The following AXIN2 variants were observed in gnomAD, a reference collection of about 807,000 sequenced individuals.
AXIN2 encodes the protein axin 2.
A neutral mutation model predicts 74.7 loss-of-function variants in AXIN2; 21 were observed. The observed-to-expected ratio is 0.28, with a 90% CI of 0.20 to 0.40. AXIN2 has a LOEUF of 0.40. AXIN2 is among the 10% of genes least tolerant of loss of function. The probability of loss-of-function intolerance (pLI) is 1.00; values close to 1 mark genes in which losing one functional copy is unlikely to be tolerated. For synonymous variants in AXIN2, 532 were observed against 454.9 expected, an observed-to-expected ratio of 1.17 and a Z score of -2.16; for missense variants, 1,144 against 1,111.1, an observed-to-expected ratio of 1.03 and a Z score of -0.42.
At chr17:65,535,213 G>A (rs4128941) in intron 9 of AXIN2, among the ~76,000 whole-genome samples, 12,078 of 152,242 alleles carry the variant, frequency 0.079, 701 homozygotes, top group East Asian at 0.27. Flanking sequence ...CCAATTTGGG[G>A]GAAGATATTC....
intron 3 of AXIN2, among the ~76,000 whole-genome samples, chr17:65,548,884 C>T (rs1425204970): frequency 1.3e-5 from 2 of 152,248 alleles, no homozygotes; most frequent in African/African-American, 2.4e-5. Flanking sequence ...AGATCCAGAT[C>T]AGACACTACT....
intron 3 of AXIN2, 94 bp from the exon 4 acceptor site, chr17:65,541,651 C>T (rs2044045680): frequency 6.8e-6 from 7 of 1,036,048 alleles, no homozygotes; most frequent in South Asian, 2.5e-5. Context: ...GAGATCCCGC[C>T]GACAGGGCCA....
Position 65,534,052 on chromosome 17 carries a change from A to G in AXIN2, c.2265T>C (p.Gly755=). The part of the protein sequence containing the change: ...EDHKEPKKLA[G]VHALQASELV... ...ACTCACTGGCCTGGAGCGCGTGGACACCTGCCAGTTTCTTTGGCTCTTTGT... is the reference window on the plus strand; with the variant it reads ...ACTCACTGGCCTGGAGCGCGTGGACGCCTGCCAGTTTCTTTGGCTCTTTGT... Residue 755 remains glycine, a synonymous_variant, in exon 10 of 11, where the codon GGT becomes GGC. Coordinates refer to ENST00000307078, the MANE Select transcript of AXIN2 (RefSeq NM_004655.4). 1 of 1,614,112 alleles carries G rather than the reference A, an allele frequency of 6.2e-7. No individual in the cohort carries two copies.
rs746454700 is a variant in AXIN2, at chr17:65,537,680, G to C, written c.1356C>G (p.Cys452Trp). The change falls in exon 6 of 11, where the codon TGC becomes TGG. Residue 452 changes from cysteine (C) to tryptophan (W), a missense_variant. Cys to Trp is a radical substitution (Grantham distance 215). Around this residue, in one of 4 missense-constraint regions of AXIN2, gnomAD observed 1,053 missense variants for 973.5 expected, o/e 1.08. Coordinates refer to ENST00000307078, the MANE Select transcript of AXIN2 (RefSeq NM_004655.4). ...TATAGCGGCCTACGCCTGGAGACTG[G>C]CAGCCAGGGGTCTTGAGGACCCTGG... Reference protein sequence around the residue: ...HLSRVLKTPGCQSPGVGRYSP... With the variant: ...HLSRVLKTPGWQSPGVGRYSP... The C allele has an allele frequency of 6.4e-7, 1 of 1,556,934 alleles. No homozygotes were observed. The highest frequency in any genetic ancestry group is 8.7e-7 in the Non-Finnish European group (1 of 1,151,342).
rs749323050 is a variant in AXIN2 at position 65,538,190 on chromosome 17, T to C, written c.1200+13A>G. 6 of 1,614,142 alleles carry C rather than the reference T, an allele frequency of 3.7e-6. No homozygotes were observed. The highest frequency in any genetic ancestry group is 4.2e-6 in the Non-Finnish European group (5 of 1,180,034). ...CGTGGACGGAAGCAGGAAGAAGGCC[T>C]AGGCCGCATTACCTCTCGGATCTGC... On this transcript the variant is annotated intron_variant, in intron 5 of 10. Transcript: ENST00000307078.
intron 7 of AXIN2, 77 bp downstream of exon 7, chr17:65,536,792 A>T (rs1598097514): frequency 1.9e-6 from 3 of 1,591,912 alleles, no homozygotes; most frequent in African/African-American, 2.7e-5. Flanking sequence ...CGGACTGCAA[A>T]AACAGCCATT....
Position 65,538,248 on chromosome 17 carries a change from C to T in AXIN2, c.1155G>A (p.Leu385=), listed in dbSNP as rs1003920705. The T allele has an allele frequency of 6.2e-7, 1 of 1,614,184 alleles. No homozygotes were observed. Among genetic ancestry groups the T allele is most frequent in the Admixed American group, 1.7e-5 (1 of 60,030 alleles). Residue 385 remains leucine (L), a synonymous_variant, in exon 5 of 11, where the codon TTG becomes TTA. Coordinates refer to ENST00000307078, the MANE Select transcript of AXIN2 (RefSeq NM_004655.4). ...GCTCCTCCAGGCTGTGGCGGCTCTC[C>T]AACTCCAGCTTCAGCTTTTCCAGCC... ...ISRLEKLKLE[L]ESRHSLEERL...
At chr17:65,535,036 C>T (rs1457385393) in intron 9 of AXIN2, among the ~76,000 whole-genome samples, 1 of 152,210 alleles carries the variant, frequency 6.6e-6, no homozygotes, top group Non-Finnish European at 1.5e-5. Flanking sequence ...TTGAGGACTT[C>T]AAACATTGCT....
Position 65,528,766 on chromosome 17 carries a change from C to T in AXIN2, c.*1210G>A, listed in dbSNP as rs1882529822. ...TTATACATAAACCCCTTTCAAAAAA[C>T]AAGGGAAAGCTTGAGCCCTCAATAT... On this transcript the variant is annotated 3_prime_UTR_variant, in exon 11 of 11. Coordinates refer to ENST00000307078, the MANE Select transcript of AXIN2 (RefSeq NM_004655.4). The T allele has an allele frequency of 2.0e-6, 1 of 497,242 alleles. No homozygotes were observed. The allele number at this position is 497,242 out of a possible 1,614,324, so 30.8% of individuals were successfully genotyped here. A position where few individuals can be genotyped will look rare whatever the true frequency, so the allele number is the denominator to read the frequency against.
intron 4 of AXIN2, 58 bp downstream of exon 4, chr17:65,541,397 T>G (rs2044040054): frequency 6.8e-7 from 1 of 1,480,612 alleles, no homozygotes; most frequent in African/African-American, 1.4e-5. Flanking sequence ...CCCATTTCTT[T>G]TCTTTAGGAC....
intron 3 of AXIN2, among the ~76,000 whole-genome samples, chr17:65,544,914 A>G (rs2044096446): frequency 6.6e-6 from 1 of 152,254 alleles, no homozygotes; most frequent in African/African-American, 2.4e-5. Flanking sequence ...TCATTTGGCA[A>G]CCACTCTGAA....
chr17:65,537,049 C>T lies in AXIN2; in HGVS notation c.1727G>A (p.Ser576Asn), dbSNP rs764205632. The change falls in exon 7 of 11, where the codon AGT becomes AAT. Residue 576 changes from serine (S) to asparagine (N), a missense_variant. This residue lies in a region of AXIN2 where 1,053 missense variants were observed against 973.5 expected (regional missense o/e 1.08). Transcript: ENST00000307078. Reference protein sequence around the residue: ...PSEQFGGSRGSTLPKRNGKGT... With the variant: ...PSEQFGGSRGNTLPKRNGKGT... Reference sequence around the variant, plus strand: ...TTTCCCATTGCGTTTGGGCAAGGTACTGCCTCTGCTGCCGCTGTGGGGAAC... The same window carrying T: ...TTTCCCATTGCGTTTGGGCAAGGTATTGCCTCTGCTGCCGCTGTGGGGAAC... 6.2e-7 allele frequency: 1 copy of T among 1,605,308 alleles called. No individual in the cohort carries two copies. The highest frequency in any genetic ancestry group is 8.5e-7 in the Non-Finnish European group (1 of 1,179,426).
chr17:65,561,207 C>G (rs1257531016), intron 1 of AXIN2: 1 of 149,326 alleles, frequency 6.7e-6, no homozygotes, highest in African/African-American at 2.4e-5. Flanking sequence ...ACTTCAAAGG[C>G]GCGAGCCGAG....
rs1555578525 is a variant in AXIN2, at chr17:65,538,292, C to T, written c.1111G>A (p.Ala371Thr). Residue 371 changes from alanine (A) to threonine (T), a missense_variant, in exon 5 of 11, where the codon GCA becomes ACA. Physicochemically the swap from Ala to Thr is moderately conservative, Grantham distance 58. Transcript: ENST00000307078. ...TCCAGCCTCGAGATCAGCTCAGCTG[C>T]AAAGGTGGCGGGTTCCACGGGGGTC... ...EMTPVEPATF[A>T]AELISRLEKL... is the part of the protein sequence containing the mutation. 1 of 1,614,222 alleles carries T rather than the reference C, an allele frequency of 6.2e-7. No homozygotes were observed. The highest frequency in any genetic ancestry group is 8.5e-7 in the Non-Finnish European group (1 of 1,180,048).
chr17:65,543,118 C>T (rs551061035), intron 3 of AXIN2, among the ~76,000 whole-genome samples: 15 of 152,254 alleles, frequency 9.9e-5, no homozygotes, highest in African/African-American at 3.6e-4. Flanking sequence ...ACGATAATTG[C>T]ACTGAGGTGA....
chr17:65,549,621 T>G lies in AXIN2; in HGVS notation c.855A>C (p.Ile285=). 1.2e-6 allele frequency: 2 copies of G among 1,605,540 alleles called. No individual in the cohort carries two copies. Among genetic ancestry groups the G allele is most frequent in the Non-Finnish European group, 1.7e-6 (2 of 1,175,764 alleles). The stretch of plus-strand genomic sequence containing the variant: ...CTGGTGCAAAGACATAGCCAGAACC[T>G]ATGTGATAAGGATTAACAGGATCGC... ...KRSDPVNPYH[I]GSGYVFAPAT... Residue 285 remains isoleucine, a synonymous_variant, in exon 3 of 11, where the codon ATA becomes ATC. Coordinates refer to ENST00000307078, the MANE Select transcript of AXIN2 (RefSeq NM_004655.4).
intron 10 of AXIN2, among the ~76,000 whole-genome samples, chr17:65,531,105 GGAA>G (rs1370618804): frequency 6.6e-6 from 1 of 152,090 alleles, no homozygotes; most frequent in African/African-American, 2.4e-5. Flanking sequence ...ACTCACAGAG[GGAA>G]GGTCACAGTC....
chr17:65,537,950 A>G (rs1487564307), intron 5 of AXIN2, 115 bp from the exon 6 acceptor site: 1 of 1,420,678 alleles, frequency 7.0e-7, no homozygotes, highest in Non-Finnish European at 9.5e-7. Flanking sequence ...GTGCACGCCC[A>G]CAGCCACGCC....
chr17:65,549,596 C>T lies in AXIN2; in HGVS notation c.880G>A (p.Ala294Thr), dbSNP rs2044163758. ...ATCTCACTGTCGTTGGCGCTGGTGGCTGGTGCAAAGACATAGCCAGAACCT... is the reference window on the plus strand; with the variant it reads ...ATCTCACTGTCGTTGGCGCTGGTGGTTGGTGCAAAGACATAGCCAGAACCT... ...HIGSGYVFAPATSANDSEISS... is the reference protein window; with the variant it reads ...HIGSGYVFAPTTSANDSEISS... The change falls in exon 3 of 11, where the codon GCC (alanine) becomes ACC (threonine). Residue 294 changes from alanine to threonine, a missense_variant. Transcript: ENST00000307078. The T allele has an allele frequency of 6.2e-7, 1 of 1,607,206 alleles. No homozygotes were observed. The highest frequency in any genetic ancestry group is 8.5e-7 in the Non-Finnish European group (1 of 1,176,726).
Sources: gnomAD v4.1 joint callset for allele counts (sites outside exome capture counted in the v4.1 genomes callset) on GRCh38, gnomAD v4.1.1 for gene constraint, gnomAD v4.1.1 regional missense constraint, MANE v1.5 for transcripts, NCBI Gene and HGNC (gene_info 2026-07-23, HGNC 2026-07-21) for gene names.